The following MAP3K7CL variants were observed in gnomAD, a reference collection of about 807,000 sequenced individuals.
The protein encoded by MAP3K7CL is MAP3K7 C-terminal like, also known as MAP3K7 C-terminal-like protein.
Under a neutral mutation model 18.6 loss-of-function variants are expected in MAP3K7CL, and 16 were observed. The ratio of observed to expected loss-of-function variants is 0.86; its 90% CI spans 0.58 to 1.31. The LOEUF (loss-of-function observed/expected upper bound fraction) is 1.31, where lower values mean the gene tolerates loss of function less well. MAP3K7CL is among the 50% of genes most tolerant of loss of function. MAP3K7CL has a pLI of 0.00. For missense variants in MAP3K7CL, 163 were observed against 174.4 expected, an observed-to-expected ratio of 0.93 and a Z score of 0.37; for synonymous variants, 65 against 66.8, an observed-to-expected ratio of 0.97 and a Z score of 0.13.
At chr21:29,171,296 A>G (rs2087820329) in intron 4 of MAP3K7CL, among the ~76,000 whole-genome samples, 1 of 152,192 alleles carries the variant, frequency 6.6e-6, no homozygotes, top group Middle Eastern at 3.2e-3. Flanking sequence ...TAACAGCCCA[A>G]AGGAACTTTG....
chr21:29,158,369 A>T (rs2087458022), intron 3 of MAP3K7CL, among the ~76,000 whole-genome samples: 1 of 152,262 alleles, frequency 6.6e-6, no homozygotes, highest in African/African-American at 2.4e-5. Context: ...TGGTTCCAAC[A>T]GTCTGAGTTT....
At chr21:29,103,621 G>A (rs1353826346) in intron 4 of MAP3K7CL, among the ~76,000 whole-genome samples, 1 of 152,096 alleles carries the variant, frequency 6.6e-6, no homozygotes, top group Non-Finnish European at 1.5e-5. Context: ...TGTAGTCCAG[G>A]CTACTTGGGA....
intron 2 of MAP3K7CL, among the ~76,000 whole-genome samples, chr21:29,148,975 T>C (rs1418485833): frequency 1.3e-5 from 2 of 152,330 alleles, no homozygotes; most frequent in East Asian, 1.9e-4. Flanking sequence ...GATTCTGATA[T>C]TTGCTTGCAA....
At chr21:29,140,336 G>T (rs779068806) in intron 2 of MAP3K7CL, among the ~76,000 whole-genome samples, 8 of 152,216 alleles carry the variant, frequency 5.3e-5, no homozygotes, top group Non-Finnish European at 1.0e-4. Context: ...GTGAAGAAAG[G>T]CCAGAAAGAA....
At chr21:29,158,620 G>T (rs1388937647) in intron 3 of MAP3K7CL, among the ~76,000 whole-genome samples, 1 of 152,086 alleles carries the variant, frequency 6.6e-6, no homozygotes, top group Non-Finnish European at 1.5e-5. Flanking sequence ...TCATGGGAGG[G>T]ATCACAGAAA....
intron 4 of MAP3K7CL, among the ~76,000 whole-genome samples, chr21:29,172,072 T>G (rs1202774335): frequency 1.3e-5 from 2 of 151,964 alleles, no homozygotes; most frequent in Non-Finnish European, 2.9e-5. Flanking sequence ...AACAATAACA[T>G]TCTCTCATTT....
At chr21:29,085,817 A>G (rs745951841), upstream of MAP3K7CL, 26 of 1,605,256 alleles carry the variant, frequency 1.6e-5, no homozygotes, top group Non-Finnish European at 2.2e-5. Context: ...CCCCAGGTGA[A>G]AGACAACTTG....
intron 4 of MAP3K7CL, chr21:29,109,366 G>T: frequency 4.4e-6 from 6 of 1,361,148 alleles, no homozygotes; most frequent in Middle Eastern, 2.4e-4. Context: ...TAGAAAGATA[G>T]ATCAACTCCT....
rs867173645 is a variant in MAP3K7CL at position 29,148,767 on chromosome 21, A to G, written c.71-422A>G. On this transcript the variant is annotated intron_variant, in intron 2 of 4. Transcript: ENST00000399928. ...TACCATCACAGCTTGTGGCACTTGG[A>G]GTCATTCAGAGCAGAACGAATGCTT... Among the ~76,000 whole-genome samples, 5 of 152,310 alleles carry G rather than the reference A, an allele frequency of 3.3e-5. No homozygotes were observed. The South Asian group carries it at 1.0e-3, about 32-fold the overall frequency.
rs949351998 is a variant in MAP3K7CL, at chr21:29,133,332, C to G, written c.-13C>G. The stretch of plus-strand genomic sequence containing the variant: ...TGGAAGACCCAGGAGAAGGCGGAGG[C>G]TCAGGTGCCCACATGATCAGCACAG... On this transcript the variant is annotated 5_prime_UTR_variant, in exon 2 of 5. Transcript: ENST00000399928. 6.4e-7 allele frequency: 1 copy of G among 1,550,420 alleles called. No individual in the cohort carries two copies. Among genetic ancestry groups the G allele is most frequent in the African/African-American group, 1.4e-5 (1 of 73,162 alleles).
chr21:29,147,408 G>A (rs11910316), intron 2 of MAP3K7CL, among the ~76,000 whole-genome samples: 71,473 of 151,582 alleles, frequency 0.47, 16,968 homozygotes, highest in East Asian at 0.6. Context: ...ATATATATGT[G>A]TACAGTATAT....
Position 29,174,760 on chromosome 21 carries a change from T to G in MAP3K7CL, c.297T>G (p.Asp99Glu). The G allele has an allele frequency of 6.2e-7, 1 of 1,614,136 alleles. No individual in the cohort carries two copies. Among genetic ancestry groups the G allele is most frequent in the Non-Finnish European group, 8.5e-7 (1 of 1,180,012 alleles). ...ATCAGGCAGAAAAGGAGAAGGTGGA[T>G]GCTGCTGAGCTGGTTCGGGAATTCG... ...KLDQAEKEKV[D>E]AAELVREFEA... is the part of the protein sequence containing the mutation. The change falls in exon 5 of 5, where the codon GAT becomes GAG. Residue 99 changes from aspartate (D) to glutamate (E), a missense_variant. Physicochemically the swap from Asp to Glu is conservative, Grantham distance 45. Transcript: ENST00000399928.
rs181358390 is a variant in MAP3K7CL, at chr21:29,164,749, A to T, written c.248+4693A>T. Among the ~76,000 whole-genome samples the T allele has an allele frequency of 3.5e-3, 525 of 150,708 alleles. 9 individuals carry two copies. The highest frequency in any genetic ancestry group is 0.012 in the African/African-American group (513 of 41,076). On this transcript the variant is annotated intron_variant, in intron 4 of 4. Coordinates refer to ENST00000399928, the MANE Select transcript of MAP3K7CL (RefSeq NM_001286620.2). ...CGAGAGGTTTGTTATATTTTTACTG[A>T]TTTTTTTTTTCTTCTCCGTGTGAAA... is the stretch of plus-strand genomic sequence containing the variant.
upstream of MAP3K7CL, chr21:29,085,771 C>T (rs953560622): frequency 2.8e-5 from 36 of 1,306,898 alleles, no homozygotes; most frequent in Middle Eastern, 1.8e-4. Context: ...AGGAATGTTG[C>T]GATGGCTTTG....
At chr21:29,102,271 C>G (rs753018695) in intron 4 of MAP3K7CL, among the ~76,000 whole-genome samples, 1 of 152,224 alleles carries the variant, frequency 6.6e-6, no homozygotes, top group Non-Finnish European at 1.5e-5. Flanking sequence ...GTACAACAAT[C>G]CATGGAGACC....
intron 4 of MAP3K7CL, among the ~76,000 whole-genome samples, chr21:29,123,892 A>G (rs1055891111): frequency 2.0e-5 from 3 of 152,204 alleles, no homozygotes; most frequent in Admixed American, 6.5e-5. Flanking sequence ...AAATCTATCT[A>G]TACTATAATA....
intron 2 of MAP3K7CL, among the ~76,000 whole-genome samples, chr21:29,135,122 G>C (rs1393851053): frequency 6.6e-6 from 1 of 151,914 alleles, no homozygotes; most frequent in Non-Finnish European, 1.5e-5. Flanking sequence ...TACAGACACA[G>C]AGATTGCCAC....
chr21:29,166,296 A>G (rs977158973), intron 4 of MAP3K7CL, among the ~76,000 whole-genome samples: 1 of 152,098 alleles, frequency 6.6e-6, no homozygotes, highest in African/African-American at 2.4e-5. Context: ...ATTTAACATC[A>G]TGTCCTCCAG....
chr21:29,165,448 A>C (rs1355175782), intron 4 of MAP3K7CL, among the ~76,000 whole-genome samples: 1 of 152,196 alleles, frequency 6.6e-6, no homozygotes, highest in Non-Finnish European at 1.5e-5. Context: ...AGCAGGGTAC[A>C]CTGTACACAA....
Sources: gnomAD v4.1 joint callset for allele counts (sites outside exome capture counted in the v4.1 genomes callset) on GRCh38, gnomAD v4.1.1 for gene constraint, MANE v1.5 for transcripts, NCBI Gene and HGNC (gene_info 2026-07-23, HGNC 2026-07-21) for gene names.